Variants in DPYD observed in about 807,000 individuals in gnomAD.
DPYD encodes the protein dihydropyrimidine dehydrogenase.
In DPYD, 109 loss-of-function variants were observed where a neutral mutation model predicts 116.2. The observed-to-expected ratio is 0.94, with a 90% CI of 0.80 to 1.10. The LOEUF (loss-of-function observed/expected upper bound fraction) is 1.10. Ranked by LOEUF, DPYD falls within the 50% of genes least tolerant of loss-of-function variation. The pLI is 0.00. For synonymous variants in DPYD, 440 were observed against 432.0 expected (o/e 1.02, Z -0.23); for missense variants, 1,302 against 1,254.5 (o/e 1.04, Z -0.57).
chr1:97,330,953 C>A (rs1270981925), intron 16 of DPYD, among the ~76,000 whole-genome samples: 1 of 152,054 alleles, frequency 6.6e-6, no homozygotes, highest in Non-Finnish European at 1.5e-5. Context: ...TAATTCTTGA[C>A]TAAATATTCA....
chr1:97,502,574 C>T (rs1203831220), intron 13 of DPYD, among the ~76,000 whole-genome samples: 1 of 151,952 alleles, frequency 6.6e-6, no homozygotes, highest in Non-Finnish European at 1.5e-5. Flanking sequence ...TTTAAGATGT[C>T]AAAGTCCACT....
intron 13 of DPYD, among the ~76,000 whole-genome samples, chr1:97,478,017 C>A (rs1046282501): frequency 2.0e-5 from 3 of 152,170 alleles, no homozygotes; most frequent in African/African-American, 7.2e-5. Context: ...TAATGCATTT[C>A]TTAAATAATA....
intron 19 of DPYD, among the ~76,000 whole-genome samples, chr1:97,195,217 A>G (rs1175003693): frequency 3.3e-5 from 5 of 152,034 alleles, no homozygotes; most frequent in Admixed American, 2.6e-4. Flanking sequence ...AGCAAAGAAA[A>G]ACTCATTTCT....
chr1:97,180,614 C>T (rs1183900941), intron 20 of DPYD, among the ~76,000 whole-genome samples: 1 of 151,960 alleles, frequency 6.6e-6, no homozygotes, highest in Non-Finnish European at 1.5e-5. Flanking sequence ...AAGAACAATC[C>T]TCATTTTTTT....
intron 20 of DPYD, among the ~76,000 whole-genome samples, chr1:97,175,577 A>G (rs1410013037): frequency 1.3e-5 from 2 of 152,226 alleles, no homozygotes; most frequent in African/African-American, 2.4e-5. Context: ...TTCATTCAAC[A>G]GAAGTCTTCT....
intron 12 of DPYD, chr1:97,546,813 A>G: frequency 2.0e-5 from 32 of 1,612,856 alleles, no homozygotes; most frequent in Non-Finnish European, 2.6e-5. Context: ...AGATTAAACC[A>G]TTGAAGTTGG....
intron 4 of DPYD, among the ~76,000 whole-genome samples, chr1:97,727,010 A>T (rs754895748): frequency 1.8e-4 from 27 of 151,746 alleles, no homozygotes; most frequent in Non-Finnish European, 3.7e-4. Context: ...ACTAAAATAA[A>T]ATTTGTAGGA....
intron 11 of DPYD, among the ~76,000 whole-genome samples, chr1:97,560,179 G>A (rs1379943372): frequency 6.6e-6 from 1 of 152,132 alleles, no homozygotes; most frequent in Non-Finnish European, 1.5e-5. Context: ...AAAAACAGGT[G>A]ACAATAGAAT....
chr1:97,573,919 G>T lies in DPYD; in HGVS notation c.1180C>A (p.Arg394=), dbSNP rs140602333. ...CTCCCACCTTTTACTATAACCTTCCGTGGGGACAGGAATGGCAGAAATTCA... is the reference window on the plus strand; with the variant it reads ...CTCCCACCTTTTACTATAACCTTCCTTGGGGACAGGAATGGCAGAAATTCA... ...KCEFLPFLSP[R]KVIVKGGRIV... The change falls in exon 11 of 23, where the codon CGG becomes AGG. Residue 394 remains arginine, a synonymous_variant. Coordinates refer to ENST00000370192, the MANE Select transcript of DPYD (RefSeq NM_000110.4). 5.6e-6 allele frequency: 9 copies of T among 1,613,618 alleles called. No homozygotes were observed. The South Asian group carries it at 8.8e-5, about 16-fold the overall frequency.
intron 13 of DPYD, among the ~76,000 whole-genome samples, chr1:97,504,209 C>T (rs1019272982): frequency 3.3e-5 from 5 of 151,924 alleles, no homozygotes; most frequent in African/African-American, 4.8e-5. Context: ...ATGTGTTCCC[C>T]GCAGTTTTAT....
At chr1:97,901,479 A>T (rs548035421) in intron 1 of DPYD, among the ~76,000 whole-genome samples, 1 of 151,982 alleles carries the variant, frequency 6.6e-6, no homozygotes, top group Non-Finnish European at 1.5e-5. Flanking sequence ...AAAGAAAGAG[A>T]CAAACCTCAG....
intron 8 of DPYD, among the ~76,000 whole-genome samples, chr1:97,666,108 C>G (rs1050915897): frequency 2.0e-5 from 3 of 152,128 alleles, no homozygotes; most frequent in Middle Eastern, 3.2e-3. Flanking sequence ...GATATACTTT[C>G]AGAACCATCA....
At chr1:97,912,404 C>T (rs983053385) in intron 1 of DPYD, among the ~76,000 whole-genome samples, 3 of 151,960 alleles carry the variant, frequency 2.0e-5, no homozygotes, top group Non-Finnish European at 4.4e-5. Flanking sequence ...AATGTTACGC[C>T]GTGACTTAAA....
chr1:97,119,828 C>A (rs532654515), intron 20 of DPYD, among the ~76,000 whole-genome samples: 1 of 152,258 alleles, frequency 6.6e-6, no homozygotes, highest in South Asian at 2.1e-4. Flanking sequence ...TCAATTTATT[C>A]GTGGTTAGAT....
chr1:97,728,797 G>C lies in DPYD; in HGVS notation c.322-7126C>G, dbSNP rs371594717. On this transcript the variant is annotated intron_variant, in intron 4 of 22. Coordinates refer to ENST00000370192, the MANE Select transcript of DPYD (RefSeq NM_000110.4). ...GAAAATGTCTCTAGCACCACACACA[G>C]AAAGTACATGCACACAGAACACTCT... Among the ~76,000 whole-genome samples, 10 of 152,076 alleles carry C rather than the reference G, an allele frequency of 6.6e-5. No individual in the cohort carries two copies. In the East Asian group the frequency reaches 1.2e-3, roughly 18 times the overall value.
chr1:97,740,160 T>A (rs550346365), intron 4 of DPYD, among the ~76,000 whole-genome samples: 50 of 152,138 alleles, frequency 3.3e-4, no homozygotes, highest in Non-Finnish European at 6.3e-4. Context: ...AAATCATTCA[T>A]TTTAACACAA....
At chr1:97,455,793 C>A (rs1222510544) in intron 13 of DPYD, among the ~76,000 whole-genome samples, 1 of 151,950 alleles carries the variant, frequency 6.6e-6, no homozygotes, top group Non-Finnish European at 1.5e-5. Flanking sequence ...ATACTCTCTA[C>A]TTGGTTTTCT....
chr1:97,729,954 C>T (rs1663493968), intron 4 of DPYD, among the ~76,000 whole-genome samples: 1 of 152,104 alleles, frequency 6.6e-6, no homozygotes, highest in African/African-American at 2.4e-5. Flanking sequence ...TGTATCAAAA[C>T]CCATTCTTTT....
At chr1:97,373,218 T>C (rs1671399631) in intron 16 of DPYD, among the ~76,000 whole-genome samples, 1 of 152,226 alleles carries the variant, frequency 6.6e-6, no homozygotes, top group African/African-American at 2.4e-5. Context: ...TTGTACAGTA[T>C]ATTGCTCCAG....
Sources: gnomAD v4.1 joint callset for allele counts (sites outside exome capture counted in the v4.1 genomes callset) on GRCh38, gnomAD v4.1.1 for gene constraint, MANE v1.5 for transcripts, NCBI Gene and HGNC (gene_info 2026-07-23, HGNC 2026-07-21) for gene names.